Variants in NRXN1 observed in about 807,000 individuals in gnomAD.
NRXN1 encodes the protein neurexin-1.
In NRXN1, 39 loss-of-function variants were observed where a neutral mutation model predicts 150.9. The ratio of observed to expected loss-of-function variants is 0.26; its 90% CI spans 0.20 to 0.34. The LOEUF (loss-of-function observed/expected upper bound fraction) is 0.34, where lower values mean the gene tolerates loss of function less well. Among genes scored for constraint, NRXN1 ranks in the 10% least tolerant of loss-of-function variants. The pLI is 1.00. For missense variants in NRXN1, 1,815 were observed against 1,949.9 expected (o/e 0.93, Z 1.30); for synonymous variants, 924 against 757.0 (o/e 1.22, Z -3.62).
At chr2:50,566,440 A>C (rs1669864650) in intron 8 of NRXN1, among the ~76,000 whole-genome samples, 1 of 143,396 alleles carries the variant, frequency 7.0e-6, no homozygotes, top group African/African-American at 2.8e-5. Flanking sequence ...TTTTTAATAG[A>C]TACAGGGTTT....
intron 18 of NRXN1, among the ~76,000 whole-genome samples, chr2:50,115,440 T>C (rs1346838231): frequency 6.6e-6 from 1 of 151,822 alleles, no homozygotes; most frequent in Admixed American, 6.6e-5. Flanking sequence ...AAACAATGTA[T>C]ATGTACTTTC....
intron 8 of NRXN1, among the ~76,000 whole-genome samples, chr2:50,575,753 C>G (rs1043344510): frequency 6.6e-6 from 1 of 152,116 alleles, no homozygotes; most frequent in Non-Finnish European, 1.5e-5. Context: ...TACACCATGT[C>G]TGACTTGTAG....
At chr2:50,851,786 G>A (rs549142596) in intron 5 of NRXN1, among the ~76,000 whole-genome samples, 7 of 152,214 alleles carry the variant, frequency 4.6e-5, no homozygotes, top group South Asian at 4.1e-4. Context: ...GGTTCTCATC[G>A]GCTTTTCTGT....
At chr2:50,479,625 TCAA>T (rs2090284113) in intron 15 of NRXN1, among the ~76,000 whole-genome samples, 1 of 107,738 alleles carries the variant, frequency 9.3e-6, no homozygotes, top group East Asian at 2.6e-4. Context: ...TAGTTCACAT[TCAA>T]TAAATAATCA....
At chr2:50,640,243 T>C (rs1013129673) in intron 5 of NRXN1, among the ~76,000 whole-genome samples, 2 of 152,138 alleles carry the variant, frequency 1.3e-5, no homozygotes, top group Admixed American at 1.3e-4. Flanking sequence ...TTCTAATATG[T>C]GGAAATGGTA....
chr2:50,257,972 G>A (rs1239354627), intron 17 of NRXN1, among the ~76,000 whole-genome samples: 1 of 151,860 alleles, frequency 6.6e-6, no homozygotes, highest in Non-Finnish European at 1.5e-5. Flanking sequence ...ACAGCATTAT[G>A]TCTGAAACAA....
At chr2:50,698,158 C>A (rs531864619) in intron 5 of NRXN1, among the ~76,000 whole-genome samples, 1 of 152,220 alleles carries the variant, frequency 6.6e-6, no homozygotes, top group Non-Finnish European at 1.5e-5. Flanking sequence ...ACTTCCCACC[C>A]GTACAGCAGT....
At chr2:50,108,243 GCA>G (rs1358876818) in intron 18 of NRXN1, among the ~76,000 whole-genome samples, 1 of 151,870 alleles carries the variant, frequency 6.6e-6, no homozygotes, top group Non-Finnish European at 1.5e-5. Context: ...ATTAAATGTA[GCA>G]CACACACACA....
rs2078048475 is a variant in NRXN1 at position 50,347,012 on chromosome 2, G to A, written c.3365-110042C>T. 1.5e-6 allele frequency: 2 copies of A among 1,378,784 alleles called. No individual in the cohort carries two copies. Among genetic ancestry groups the A allele is most frequent in the Non-Finnish European group, 1.9e-6 (2 of 1,064,162 alleles). 85.4% of individuals were successfully genotyped at this position (1,378,784 alleles called of 1,614,324 possible). ...CAAAGTTTGGGGCGCGGGGAGAGGA[G>A]AGGGCGCAGGGGAGCGGGCGGCGCG... On this transcript the variant is annotated intron_variant, in intron 17 of 22. Transcript: ENST00000401669. This position sits in a 1 kb window ranked among gnomAD's most constrained non-coding sequence, Gnocchi z 4.9.
intron 19 of NRXN1, among the ~76,000 whole-genome samples, chr2:50,065,324 A>G (rs189836478): frequency 1.3e-3 from 197 of 152,282 alleles, no homozygotes; most frequent in African/African-American, 4.6e-3. Context: ...GACCATTTGA[A>G]TCAAGATAAA....
intron 17 of NRXN1, among the ~76,000 whole-genome samples, chr2:50,245,171 G>C (rs2066381296): frequency 6.6e-6 from 1 of 151,900 alleles, no homozygotes; most frequent in Non-Finnish European, 1.5e-5. Flanking sequence ...AATAGTTTGA[G>C]CTGCCCAGAG....
rs370018206 is a variant in NRXN1 at position 50,324,719 on chromosome 2, C to T, written c.3365-87749G>A. Reference sequence around the variant, plus strand: ...ATCGCGCCCGGCTAAGTGTGTAAGTCATTTCTATCTTGCCTGCTTAAGCTT... The same window carrying T: ...ATCGCGCCCGGCTAAGTGTGTAAGTTATTTCTATCTTGCCTGCTTAAGCTT... On this transcript the variant is annotated intron_variant, in intron 17 of 22. Coordinates refer to ENST00000401669, the MANE Select transcript of NRXN1 (RefSeq NM_001330078.2). Among the ~76,000 whole-genome samples the T allele has an allele frequency of 7.9e-5, 12 of 152,244 alleles. No individual in the cohort carries two copies. In the East Asian group the frequency reaches 1.7e-3, roughly 22 times the overall value.
At chr2:50,568,263 C>T (rs962522200) in intron 8 of NRXN1, among the ~76,000 whole-genome samples, 3 of 152,052 alleles carry the variant, frequency 2.0e-5, no homozygotes, top group African/African-American at 7.2e-5. Flanking sequence ...ACCCCATAAA[C>T]GTAGGCAACC....
chr2:50,943,434 A>G (rs752748730), intron 2 of NRXN1, among the ~76,000 whole-genome samples: 11 of 152,220 alleles, frequency 7.2e-5, no homozygotes, highest in Admixed American at 1.3e-4. Context: ...TAAGCTGCTA[A>G]TAAGTGTCAC....
chr2:50,708,304 A>G (rs1694712813), intron 5 of NRXN1, among the ~76,000 whole-genome samples: 1 of 152,222 alleles, frequency 6.6e-6, no homozygotes, highest in Non-Finnish European at 1.5e-5. Context: ...TAAAATTATC[A>G]TAGAAACTGT....
chr2:50,788,826 G>T lies in NRXN1; in HGVS notation c.832+133043C>A, dbSNP rs975010039. On this transcript the variant is annotated intron_variant, in intron 5 of 22. Coordinates refer to ENST00000401669, the MANE Select transcript of NRXN1 (RefSeq NM_001330078.2). ...AGATTACAATGTCAAAGGGTAAAATGGATAATTAAACACAGTAATTATCAC... is the reference window on the plus strand; with the variant it reads ...AGATTACAATGTCAAAGGGTAAAATTGATAATTAAACACAGTAATTATCAC... 2.0e-5 allele frequency among the ~76,000 whole-genome samples: 3 copies of T among 151,556 alleles called. No individual in the cohort carries two copies. In the South Asian group the frequency reaches 6.3e-4, roughly 32 times the overall value.
chr2:50,834,399 T>C lies in NRXN1; in HGVS notation c.832+87470A>G, dbSNP rs546440344. Among the ~76,000 whole-genome samples the C allele has an allele frequency of 9.8e-5, 15 of 152,288 alleles. 1 individual carries two copies. Among genetic ancestry groups the C allele is most frequent in the African/African-American group, 3.6e-4 (15 of 41,546 alleles). ...GGTTTTGCAGTTTTGAAGGATGTGG[T>C]GCTCAGTTTTTGAGGGGTTGAAAAC... is the stretch of plus-strand genomic sequence containing the variant. On this transcript the variant is annotated intron_variant, in intron 5 of 22. Transcript: ENST00000401669.
chr2:50,037,469 A>C (rs1404868431), intron 21 of NRXN1, among the ~76,000 whole-genome samples: 1 of 152,200 alleles, frequency 6.6e-6, no homozygotes. Context: ...TAACAAGATA[A>C]AATTATACCT....
In NRXN1 at chr2:50,506,360, GA is replaced by G. The variant is rs570861560; in HGVS notation, c.2497+134del. Reference sequence around the variant, plus strand: ...TGCTTATTTAATAAAATAGTTACTAGAAAAAAATAGAATAAAAATGGATTGT... The same window carrying G: ...TGCTTATTTAATAAAATAGTTACTAGAAAAAATAGAATAAAAATGGATTGT... On this transcript the variant is annotated intron_variant, in intron 13 of 22. Transcript: ENST00000401669. The G allele has an allele frequency of 1.4e-3, 1,002 of 728,430 alleles. 1 individual carries two copies. The highest frequency in any genetic ancestry group is 1.7e-3 in the Non-Finnish European group (831 of 490,080). 45.1% of individuals were successfully genotyped at this position (728,430 alleles called of 1,614,324 possible). A position where few individuals can be genotyped will look rare whatever the true frequency, so the allele number is the denominator to read the frequency against.
Sources: allele counts gnomAD v4.1 joint callset (sites outside exome capture counted in the v4.1 genomes callset), GRCh38; gene constraint gnomAD v4.1.1; non-coding constraint Gnocchi (gnomAD v3.1); transcripts MANE v1.5; gene names NCBI Gene and HGNC (gene_info 2026-07-23, HGNC 2026-07-21).